The following NFE2L1 variants were observed in gnomAD, a reference collection of about 807,000 sequenced individuals.
The protein encoded by NFE2L1 is endoplasmic reticulum membrane sensor NFE2L1.
In NFE2L1, 18 loss-of-function variants were observed where a neutral mutation model predicts 61.6. The ratio of observed to expected loss-of-function variants is 0.29; its 90% CI spans 0.20 to 0.43. The LOEUF (loss-of-function observed/expected upper bound fraction) is 0.43. Among genes scored for constraint, NFE2L1 ranks in the 20% least tolerant of loss-of-function variants. NFE2L1 has a pLI of 1.00. For missense variants in NFE2L1, 827 were observed against 973.5 expected, an observed-to-expected ratio of 0.85 and a Z score of 2.00; for synonymous variants, 419 against 402.7, an observed-to-expected ratio of 1.04 and a Z score of -0.48.
At chr17:48,049,425 T>G (rs972451467) in intron 1 of NFE2L1, among the ~76,000 whole-genome samples, 2 of 152,134 alleles carry the variant, frequency 1.3e-5, no homozygotes, top group Non-Finnish European at 2.9e-5. Context: ...GGAGTTTTGC[T>G]CTTGTTGCCC....
chr17:48,050,103 T>G (rs930152556), intron 1 of NFE2L1, among the ~76,000 whole-genome samples: 2 of 152,382 alleles, frequency 1.3e-5, no homozygotes, highest in East Asian at 1.9e-4. Flanking sequence ...GATCAGTAGC[T>G]TTCTTTGATA....
rs147297599 is a variant in NFE2L1, at chr17:48,051,589, G to T, written c.471G>T (p.Gly157=). Residue 157 remains glycine, a synonymous_variant, in exon 2 of 6, where the codon GGG becomes GGT. Coordinates refer to ENST00000362042, the MANE Select transcript of NFE2L1 (RefSeq NM_003204.3). ...QGFGEDLEDL[G]AVAPPVSGDL... Reference sequence around the variant, plus strand: ...TCGGTGAAGATTTGGAGGATTTGGGGGCTGTAGCCCCCCCAGTCAGTGGAG... The same window carrying T: ...TCGGTGAAGATTTGGAGGATTTGGGTGCTGTAGCCCCCCCAGTCAGTGGAG... The T allele has an allele frequency of 1.2e-6, 2 of 1,614,172 alleles. No homozygotes were observed. The highest frequency in any genetic ancestry group is 2.7e-5 in the African/African-American group (2 of 75,064).
Position 48,051,505 on chromosome 17 carries a change from C to A in NFE2L1, c.387C>A (p.Gly129=), listed in dbSNP as rs755371691. ...NSGLALESSS[G]LQDVTGPDNG... The stretch of plus-strand genomic sequence containing the variant: ...GCCTCGCCCTCGAGAGTTCCAGTGG[C>A]CTCCAAGATGTGACAGGCCCAGACA... The change falls in exon 2 of 6, where the codon GGC becomes GGA. Residue 129 remains glycine, a synonymous_variant. Transcript: ENST00000362042. The A allele has an allele frequency of 9.9e-6, 16 of 1,613,958 alleles. No homozygotes were observed. The South Asian group carries it at 1.6e-4, about 17-fold the overall frequency.
chr17:48,056,242 CA>C (rs1009123122), intron 2 of NFE2L1, 143 bp from the exon 3 acceptor site: 3 of 778,692 alleles, frequency 3.9e-6, no homozygotes, highest in African/African-American at 1.7e-5. Flanking sequence ...GTGCAGGGAC[CA>C]GGGGGTAAAG....
In NFE2L1 at chr17:48,059,224, T is replaced by G. The variant is rs922112834; in HGVS notation, c.1902T>G (p.Pro634=). The stretch of plus-strand genomic sequence containing the variant: ...CCAATGACAAAATCATCAACCTGCC[T>G]GTGGAGGAGTTCAATGAACTGCTGT... ...PFTNDKIINL[P]VEEFNELLSK... The change falls in exon 6 of 6, where the codon CCT becomes CCG. Residue 634 remains proline (P), a synonymous_variant. Transcript: ENST00000362042. The surrounding 1 kb of genome is among the most constrained non-coding windows in gnomAD (Gnocchi z 6.1). The G allele has an allele frequency of 6.2e-7, 1 of 1,614,114 alleles. No individual in the cohort carries two copies. The highest frequency in any genetic ancestry group is 8.5e-7 in the Non-Finnish European group (1 of 1,180,028).
rs1455746975 is a variant in NFE2L1, at chr17:48,059,498, C to T, written c.2176C>T (p.Arg726Ter). The change falls in exon 6 of 6, where the codon CGA becomes TGA. Residue 726 changes from arginine (R) to a stop codon, truncating the protein, a stop_gained. Coordinates refer to ENST00000362042, the MANE Select transcript of NFE2L1 (RefSeq NM_003204.3). LOFTEE classifies it high-confidence loss of function. The surrounding 1 kb of genome is among the most constrained non-coding windows in gnomAD (Gnocchi z 6.1). ...GTACCAGGAGGTGTTTGGGCGGCTG[C>T]GAGATGAGAACGGACGACCCTACTC... Reference protein sequence around the residue: ...SLYQEVFGRLRDENGRPYSPS... With the variant: ...SLYQEVFGRL 2 of 1,614,012 alleles carry T rather than the reference C, an allele frequency of 1.2e-6. No homozygotes were observed. Among genetic ancestry groups the T allele is most frequent in the East Asian group, 2.2e-5 (1 of 44,864 alleles).
chr17:48,058,862 G>A lies in NFE2L1; in HGVS notation c.1540G>A (p.Ala514Thr). ...SSSSSSASSS[A>T]SSSFSEEGAV... ...CTCTTCTTCCTCTGCTTCTTCCTCT[G>A]CCTCTTCCTCCTTTTCTGAGGAAGG... The change falls in exon 6 of 6, where the codon GCC (alanine) becomes ACC (threonine). Residue 514 changes from alanine (A) to threonine (T), a missense_variant. This residue lies in a region of NFE2L1 where 667 missense variants were observed against 748.4 expected (regional missense o/e 0.89). Transcript: ENST00000362042. 6.2e-7 allele frequency: 1 copy of A among 1,613,388 alleles called. No individual in the cohort carries two copies. Among genetic ancestry groups the A allele is most frequent in the Non-Finnish European group, 8.5e-7 (1 of 1,179,952 alleles).
At chr17:48,054,798 G>A (rs564506324) in intron 2 of NFE2L1, 17 of 1,330,622 alleles carry the variant, frequency 1.3e-5, no homozygotes, top group Non-Finnish European at 1.5e-5. Flanking sequence ...CGCCTGAGTG[G>A]AACTGGGGTT....
Position 48,059,704 on chromosome 17 carries a change from ACCT to A in NFE2L1, c.*64_*66del. 5 of 1,500,964 alleles carry A rather than the reference ACCT, an allele frequency of 3.3e-6. No homozygotes were observed. The highest frequency in any genetic ancestry group is 4.4e-6 in the Non-Finnish European group (5 of 1,133,236). 93.0% of individuals were successfully genotyped at this position (1,500,964 alleles called of 1,614,324 possible). ...GAAACTGGAGAAGGGCTGGACCTGG[ACCT>A]GGACCTGGACCTACAGCGGGGACTT... On this transcript the variant is annotated 3_prime_UTR_variant, in exon 6 of 6. Coordinates refer to ENST00000362042, the MANE Select transcript of NFE2L1 (RefSeq NM_003204.3). The surrounding 1 kb of genome is among the most constrained non-coding windows in gnomAD (Gnocchi z 6.1).
rs1466720343 is a variant in NFE2L1 at position 48,059,781 on chromosome 17, C to T, written c.*140C>T. On this transcript the variant is annotated 3_prime_UTR_variant, in exon 6 of 6. Coordinates refer to ENST00000362042, the MANE Select transcript of NFE2L1 (RefSeq NM_003204.3). The surrounding 1 kb of genome is among the most constrained non-coding windows in gnomAD (Gnocchi z 6.1). The stretch of plus-strand genomic sequence containing the variant: ...CTTCTCAGATGGGATGACTGCGGGT[C>T]AGTGTACAGGAAGAGGCAGGCACTG... The T allele has an allele frequency of 7.7e-7, 1 of 1,299,394 alleles. No individual in the cohort carries two copies. Among genetic ancestry groups the T allele is most frequent in the African/African-American group, 1.5e-5 (1 of 66,962 alleles). The allele number at this position is 1,299,394 out of a possible 1,614,324, so 80.5% of individuals were successfully genotyped here. A position where few individuals can be genotyped will look rare whatever the true frequency, so the allele number is the denominator to read the frequency against.
At chr17:48,053,975 G>A (rs975271843) in intron 2 of NFE2L1, among the ~76,000 whole-genome samples, 4 of 152,132 alleles carry the variant, frequency 2.6e-5, no homozygotes, top group African/African-American at 9.7e-5. Flanking sequence ...CTGCACGTGG[G>A]CAAAATGGCC....
intron 2 of NFE2L1, chr17:48,054,491 C>T (rs2037338249): frequency 2.5e-6 from 2 of 809,998 alleles, no homozygotes; most frequent in Non-Finnish European, 1.6e-6. Context: ...GATTGGCTCT[C>T]GGCGCAGCCT....
In NFE2L1 at chr17:48,059,462, G is replaced by A; in HGVS notation, c.2140G>A (p.Val714Ile). ...LRSLRQMKQK[V>I]QSLYQEVFGR... ...CTCCCTGCGACAGATGAAGCAGAAG[G>A]TCCAGAGCCTGTACCAGGAGGTGTT... is the stretch of plus-strand genomic sequence containing the variant. Residue 714 changes from valine to isoleucine, a missense_variant, in exon 6 of 6, where the codon GTC (valine) becomes ATC (isoleucine). Val to Ile is a conservative substitution (Grantham distance 29, BLOSUM62 3). Coordinates refer to ENST00000362042, the MANE Select transcript of NFE2L1 (RefSeq NM_003204.3). This position sits in a 1 kb window ranked among gnomAD's most constrained non-coding sequence, Gnocchi z 6.1. The A allele has an allele frequency of 6.2e-7, 1 of 1,614,154 alleles. No individual in the cohort carries two copies. Among genetic ancestry groups the A allele is most frequent in the South Asian group, 1.1e-5 (1 of 91,092 alleles).
At position 48,058,951 on chromosome 17, in the gene NFE2L1, C is replaced by A; in HGVS notation, c.1629C>A (p.Gly543=). Reference sequence around the variant, plus strand: ...TGGAAGAGGCCGAGGGTGCTGTGGGCTACCAGCCTGAGTATTCCAAGTTCT... The same window carrying A: ...TGGAAGAGGCCGAGGGTGCTGTGGGATACCAGCCTGAGTATTCCAAGTTCT... ...LDLEEAEGAV[G]YQPEYSKFCR... The change falls in exon 6 of 6, where the codon GGC becomes GGA. Residue 543 remains glycine, a synonymous_variant. Transcript: ENST00000362042. 1 of 1,614,000 alleles carries A rather than the reference C, an allele frequency of 6.2e-7. No individual in the cohort carries two copies. Among genetic ancestry groups the A allele is most frequent in the Non-Finnish European group, 8.5e-7 (1 of 1,180,026 alleles).
rs1264374009 is a variant in NFE2L1 at position 48,051,472 on chromosome 17, C to G, written c.354C>G (p.Pro118=). Residue 118 remains proline (P), a synonymous_variant, in exon 2 of 6, where the codon CCC becomes CCG. Coordinates refer to ENST00000362042, the MANE Select transcript of NFE2L1 (RefSeq NM_003204.3). Reference sequence around the variant, plus strand: ...AGGGGTCTGTCTCTGGCAGTCAGCCCAACTCAGGCCTCGCCCTCGAGAGTT... The same window carrying G: ...AGGGGTCTGTCTCTGGCAGTCAGCCGAACTCAGGCCTCGCCCTCGAGAGTT... The part of the protein sequence containing the change: ...DPEGSVSGSQ[P]NSGLALESSS... 3 of 1,613,886 alleles carry G rather than the reference C, an allele frequency of 1.9e-6. No individual in the cohort carries two copies. Among genetic ancestry groups the G allele is most frequent in the East Asian group, 4.5e-5 (2 of 44,872 alleles).
At chr17:48,050,556 A>G in intron 1 of NFE2L1, 51 bp from the exon 2 acceptor site, 1 of 405,814 alleles carries the variant, frequency 2.5e-6, no homozygotes, top group Non-Finnish European at 4.4e-6. Flanking sequence ...CCTGATCATG[A>G]TGTGAAAAGT....
Position 48,051,509 on chromosome 17 carries a change from C to T in NFE2L1, c.391C>T (p.Gln131Ter). ...GLALESSSGLQDVTGPDNGVR... is the reference protein window; with the variant it reads ...GLALESSSGL ...CGCCCTCGAGAGTTCCAGTGGCCTC[C>T]AAGATGTGACAGGCCCAGACAACGG... Residue 131 changes from glutamine (Q) to a stop codon, truncating the protein, a stop_gained, in exon 2 of 6, where the codon CAA (glutamine) becomes TAA (stop). Coordinates refer to ENST00000362042, the MANE Select transcript of NFE2L1 (RefSeq NM_003204.3). LOFTEE classifies it high-confidence loss of function. 1 of 1,614,138 alleles carries T rather than the reference C, an allele frequency of 6.2e-7. No individual in the cohort carries two copies. The highest frequency in any genetic ancestry group is 8.5e-7 in the Non-Finnish European group (1 of 1,180,040).
chr17:48,059,813 T>C lies in NFE2L1; in HGVS notation c.*172T>C. On this transcript the variant is annotated 3_prime_UTR_variant, in exon 6 of 6. Coordinates refer to ENST00000362042, the MANE Select transcript of NFE2L1 (RefSeq NM_003204.3). The surrounding 1 kb of genome is among the most constrained non-coding windows in gnomAD (Gnocchi z 6.1). ...CAGGAAGAGGCAGGCACTGGCTGGC[T>C]CAGCTCCACTCGGGTGGAGTGGAAG... The C allele has an allele frequency of 1.0e-6, 1 of 969,720 alleles. No homozygotes were observed. The highest frequency in any genetic ancestry group is 1.5e-6 in the Non-Finnish European group (1 of 684,536). The allele number at this position is 969,720 out of a possible 1,614,324, so 60.1% of individuals were successfully genotyped here.
Position 48,050,741 on chromosome 17 carries a change from G to A in NFE2L1, c.-378G>A. The stretch of plus-strand genomic sequence containing the variant: ...AAAAAAAAATCCATCAGCTGTTCCT[G>A]AGAACAGCCTGCATTGGAATCTACA... On this transcript the variant is annotated 5_prime_UTR_variant, in exon 2 of 6. Coordinates refer to ENST00000362042, the MANE Select transcript of NFE2L1 (RefSeq NM_003204.3). The A allele has an allele frequency of 2.2e-6, 1 of 461,410 alleles. No individual in the cohort carries two copies. Among genetic ancestry groups the A allele is most frequent in the Non-Finnish European group, 3.8e-6 (1 of 262,138 alleles). 28.6% of individuals were successfully genotyped at this position (461,410 alleles called of 1,614,324 possible).
Sources: gnomAD v4.1 joint callset for allele counts (sites outside exome capture counted in the v4.1 genomes callset) on GRCh38, gnomAD v4.1.1 for gene constraint, gnomAD v4.1.1 regional missense constraint, Gnocchi (gnomAD v3.1) non-coding constraint, MANE v1.5 for transcripts, NCBI Gene and HGNC (gene_info 2026-07-23, HGNC 2026-07-21) for gene names.